Variants in COTL1 observed in about 807,000 individuals in gnomAD.
COTL1 encodes coactosin like F-actin binding protein 1.
Under a neutral mutation model 16.5 loss-of-function variants are expected in COTL1, and 15 were observed. The observed-to-expected ratio is 0.91, with a 90% CI of 0.61 to 1.40. The LOEUF is 1.40. Ranked by LOEUF, COTL1 falls within the 40% of genes most tolerant of loss-of-function variation. The pLI, the probability that COTL1 is intolerant of heterozygous loss-of-function variation, is 0.00. For synonymous variants in COTL1, 112 were observed against 85.3 expected, an observed-to-expected ratio of 1.31 and a Z score of -1.73; for missense variants, 220 against 201.5, an observed-to-expected ratio of 1.09 and a Z score of -0.56.
chr16:84,572,078 C>T (rs1485025931), intron 3 of COTL1, among the ~76,000 whole-genome samples: 1 of 152,258 alleles, frequency 6.6e-6, no homozygotes, highest in Non-Finnish European at 1.5e-5. Flanking sequence ...CACCTCCACG[C>T]CTTCCAGCGG....
Position 84,566,140 on chromosome 16 carries a change from C to A in COTL1, c.*705G>T, listed in dbSNP as rs1030386000. The A allele has an allele frequency of 1.3e-5, 2 of 152,752 alleles. No homozygotes were observed. Among genetic ancestry groups the A allele is most frequent in the Admixed American group, 6.5e-5 (1 of 15,278 alleles). 9.5% of individuals were successfully genotyped at this position (152,752 alleles called of 1,614,324 possible). On this transcript the variant is annotated 3_prime_UTR_variant, in exon 4 of 4. Transcript: ENST00000262428. Reference sequence around the variant, plus strand: ...AGGGTGGGAACAGGTGGTTTCAGACCGTGCAGCAAAGCCACTGCCAGGTAA... The same window carrying A: ...AGGGTGGGAACAGGTGGTTTCAGACAGTGCAGCAAAGCCACTGCCAGGTAA...
rs139121436 is a variant in COTL1, at chr16:84,609,820, T to C, written c.160+7681A>G. 4.6e-4 allele frequency among the ~76,000 whole-genome samples: 70 copies of C among 152,342 alleles called. 1 individual carries two copies. The highest frequency in any genetic ancestry group is 1.5e-3 in the African/African-American group (63 of 41,570). On this transcript the variant is annotated intron_variant, in intron 2 of 3. Coordinates refer to ENST00000262428, the MANE Select transcript of COTL1 (RefSeq NM_021149.5). ...TCTCCTGCTGCCACGTAAAGAAGGA[T>C]GTGTTTGCTTCCCCTTTTGCCATGA... is the stretch of plus-strand genomic sequence containing the variant.
At chr16:84,607,206 G>GC (rs1226545042) in intron 2 of COTL1, among the ~76,000 whole-genome samples, 2 of 152,164 alleles carry the variant, frequency 1.3e-5, no homozygotes, top group African/African-American at 4.8e-5. Flanking sequence ...GACAAGGAGG[G>GC]CATCCGAGCA....
intron 3 of COTL1, among the ~76,000 whole-genome samples, chr16:84,572,712 T>C (rs1904359546): frequency 6.6e-6 from 1 of 152,108 alleles, no homozygotes. Context: ...TCCACCCATC[T>C]TGGCCTCCCA....
Position 84,565,765 on chromosome 16 carries a change from T to TAA in COTL1, c.*1079_*1080insTT, listed in dbSNP as rs1367933154. On this transcript the variant is annotated 3_prime_UTR_variant, in exon 4 of 4. Transcript: ENST00000262428. ...ATGAAGAACCAAGCCAATCTCACCT[T>TAA]TCTTTAAAAACAAAACAAAACGATC... The TAA allele has an allele frequency of 6.6e-6, 1 of 152,436 alleles. No individual in the cohort carries two copies. The highest frequency in any genetic ancestry group is 6.5e-5 in the Admixed American group (1 of 15,282). 9.4% of individuals were successfully genotyped at this position (152,436 alleles called of 1,614,324 possible). A position where few individuals can be genotyped will look rare whatever the true frequency, so the allele number is the denominator to read the frequency against.
At chr16:84,583,292 G>T (rs1488003721) in intron 3 of COTL1, among the ~76,000 whole-genome samples, 1 of 152,078 alleles carries the variant, frequency 6.6e-6, no homozygotes, top group African/African-American at 2.4e-5. Context: ...TTTAATACAC[G>T]GAAAGTCCTT....
At chr16:84,604,560 T>G (rs994065695) in intron 2 of COTL1, among the ~76,000 whole-genome samples, 4 of 151,846 alleles carry the variant, frequency 2.6e-5, no homozygotes, top group East Asian at 2.0e-4. Context: ...GTGCTCAGTT[T>G]ATATGTGTTG....
intron 3 of COTL1, among the ~76,000 whole-genome samples, chr16:84,588,482 T>C (rs1904785904): frequency 6.6e-6 from 1 of 152,176 alleles, no homozygotes; most frequent in Non-Finnish European, 1.5e-5. Flanking sequence ...AGATAGCACA[T>C]TGCAGATAGC....
In COTL1 at chr16:84,603,490, T is replaced by C. The variant is rs560331092; in HGVS notation, c.161-13228A>G. Among the ~76,000 whole-genome samples the C allele has an allele frequency of 1.0e-3, 151 of 150,860 alleles. 1 individual carries two copies. Among genetic ancestry groups the C allele is most frequent in the Non-Finnish European group, 1.9e-3 (131 of 67,684 alleles). ...GGACCAGCAAGCCTCCCCCTGGAGG[T>C]CTCCTCATCGGTGACACAGCACGTT... On this transcript the variant is annotated intron_variant, in intron 2 of 3. Transcript: ENST00000262428.
In COTL1 at chr16:84,617,918, C is replaced by G; in HGVS notation, c.-4G>C. 4.5e-6 allele frequency: 7 copies of G among 1,551,460 alleles called. No individual in the cohort carries two copies. Among genetic ancestry groups the G allele is most frequent in the Non-Finnish European group, 6.1e-6 (7 of 1,148,638 alleles). On this transcript the variant is annotated 5_prime_UTR_variant, in exon 1 of 4. Coordinates refer to ENST00000262428, the MANE Select transcript of COTL1 (RefSeq NM_021149.5). The stretch of plus-strand genomic sequence containing the variant: ...CTTTGTCGATCTTGGTGGCCATCGC[C>G]GCGGAGCCGCAGCGGGACACTGTCC...
chr16:84,590,400 G>A lies in COTL1; in HGVS notation c.161-138C>T, dbSNP rs1227445932. The A allele has an allele frequency of 7.4e-6, 7 of 939,668 alleles. No individual in the cohort carries two copies. The highest frequency in any genetic ancestry group is 1.1e-5 in the Non-Finnish European group (7 of 634,206). 58.2% of individuals were successfully genotyped at this position (939,668 alleles called of 1,614,324 possible). A position where few individuals can be genotyped will look rare whatever the true frequency, so the allele number is the denominator to read the frequency against. On this transcript the variant is annotated intron_variant, in intron 2 of 3. Transcript: ENST00000262428. The surrounding 1 kb of genome is among the most constrained non-coding windows in gnomAD (Gnocchi z 5.5). ...CGGTGCAGTTCCCTGGGAGCACCAT[G>A]TGCAGAGGACAGGAGGGAAGCACTC...
chr16:84,573,564 C>A (rs1005394495), intron 3 of COTL1, among the ~76,000 whole-genome samples: 8 of 152,076 alleles, frequency 5.3e-5, no homozygotes, highest in Admixed American at 2.0e-4. Flanking sequence ...CACCTGAGGT[C>A]AGCAGTTCAA....
At chr16:84,594,258 G>C (rs1257478669) in intron 2 of COTL1, 1 of 152,296 alleles carries the variant, frequency 6.6e-6, no homozygotes, top group African/African-American at 2.4e-5. Context: ...GAAAGTGAAA[G>C]CTACAAAACC....
intron 3 of COTL1, among the ~76,000 whole-genome samples, chr16:84,573,841 T>C (rs1314974219): frequency 6.6e-6 from 1 of 151,504 alleles, no homozygotes; most frequent in Non-Finnish European, 1.5e-5. Context: ...TCTATGTAAA[T>C]TGTGTTTCAG....
intron 3 of COTL1, among the ~76,000 whole-genome samples, chr16:84,581,451 G>A (rs761717215): frequency 2.6e-5 from 4 of 152,140 alleles, no homozygotes; most frequent in Non-Finnish European, 5.9e-5. Flanking sequence ...CCCATGGAGG[G>A]TTGTAGGTTC....
At chr16:84,598,657 A>ACGC (rs1555523933) in intron 2 of COTL1, among the ~76,000 whole-genome samples, 1 of 137,914 alleles carries the variant, frequency 7.3e-6, no homozygotes, top group African/African-American at 2.7e-5. Flanking sequence ...CTCCCCCCCA[A>ACGC]CCCCCCCCAC....
intron 3 of COTL1, among the ~76,000 whole-genome samples, chr16:84,583,093 C>T (rs17825998): frequency 6.6e-6 from 1 of 152,234 alleles, no homozygotes; most frequent in South Asian, 2.1e-4. Context: ...GTGCCAGAAG[C>T]CTTGGGAAAT....
intron 2 of COTL1, among the ~76,000 whole-genome samples, chr16:84,611,067 G>C (rs934198580): frequency 6.6e-6 from 1 of 152,174 alleles, no homozygotes; most frequent in African/African-American, 2.4e-5. Context: ...TATCCTTACA[G>C]CAACCTACAT....
At chr16:84,605,882 A>G (rs1448831328) in intron 2 of COTL1, among the ~76,000 whole-genome samples, 1 of 152,222 alleles carries the variant, frequency 6.6e-6, no homozygotes, top group African/African-American at 2.4e-5. Context: ...AAGTAACACA[A>G]TGACCCTGGC....
Sources: gnomAD v4.1 joint callset for allele counts (sites outside exome capture counted in the v4.1 genomes callset) on GRCh38, gnomAD v4.1.1 for gene constraint, Gnocchi (gnomAD v3.1) non-coding constraint, MANE v1.5 for transcripts, NCBI Gene and HGNC (gene_info 2026-07-23, HGNC 2026-07-21) for gene names.